RNF217: variants seen among roughly 807,000 people sequenced by gnomAD.
RNF217 encodes the protein E3 ubiquitin-protein ligase RNF217.
A neutral mutation model predicts 57.8 loss-of-function variants in RNF217; 31 were observed. The observed-to-expected ratio is 0.54, with a 90% confidence interval of 0.40 to 0.72. The LOEUF is 0.72. RNF217 is among the 30% of genes least tolerant of loss of function. The pLI is 0.00. For missense variants in RNF217, 696 were observed against 708.3 expected, an observed-to-expected ratio of 0.98 and a Z score of 0.20; for synonymous variants, 313 against 294.0, an observed-to-expected ratio of 1.06 and a Z score of -0.66.
chr6:124,982,723 G>T (rs1313144289), intron 1 of RNF217, among the ~76,000 whole-genome samples: 4 of 152,096 alleles, frequency 2.6e-5, no homozygotes, highest in African/African-American at 9.7e-5. Context: ...AAGGCATTTG[G>T]TTTCTAGATG....
chr6:125,026,582 T>A (rs904202867), intron 1 of RNF217, among the ~76,000 whole-genome samples: 3 of 152,138 alleles, frequency 2.0e-5, no homozygotes, highest in African/African-American at 7.2e-5. Context: ...GTAGAAAGAA[T>A]GACAAAAGGT....
chr6:125,081,497 G>T lies in RNF217; in HGVS notation c.1545G>T (p.Ala515=), dbSNP rs146414490. The change falls in exon 5 of 6, where the codon GCG becomes GCT. Residue 515 remains alanine, a synonymous_variant. Coordinates refer to ENST00000521654, the MANE Select transcript of RNF217 (RefSeq NM_001286398.3). ...MVLGLALGAI[A]VVIGLFVFPI... The stretch of plus-strand genomic sequence containing the variant: ...TGGGATTGGCACTAGGGGCCATAGC[G>T]GTTGTAATCGGTAAGAAACACTTCA... The T allele has an allele frequency of 1.2e-6, 2 of 1,610,180 alleles. No individual in the cohort carries two copies. Among genetic ancestry groups the T allele is most frequent in the Non-Finnish European group, 1.7e-6 (2 of 1,177,372 alleles).
intron 1 of RNF217, among the ~76,000 whole-genome samples, chr6:124,979,337 G>A (rs1784076020): frequency 6.6e-6 from 1 of 152,196 alleles, no homozygotes; most frequent in Non-Finnish European, 1.5e-5. Context: ...GAGGGTAGGA[G>A]AAAGGAGTTA....
intron 1 of RNF217, among the ~76,000 whole-genome samples, chr6:125,032,723 T>G (rs913364264): frequency 2.6e-5 from 4 of 152,108 alleles, no homozygotes; most frequent in African/African-American, 9.7e-5. Flanking sequence ...CTATGATCAT[T>G]TTTGAGCTTA....
chr6:124,968,023 A>G (rs1582648171), intron 1 of RNF217, among the ~76,000 whole-genome samples: 1 of 152,034 alleles, frequency 6.6e-6, no homozygotes, highest in Non-Finnish European at 1.5e-5. Flanking sequence ...CAGATGGTCC[A>G]CCCGCCTCGC....
chr6:125,018,696 A>C (rs1785703277), intron 1 of RNF217, among the ~76,000 whole-genome samples: 2 of 152,222 alleles, frequency 1.3e-5, no homozygotes, highest in Admixed American at 6.5e-5. Context: ...GAATCTCAGA[A>C]AGTCTTTGGT....
rs1788691179 is a variant in RNF217 at position 125,083,907 on chromosome 6, T to C, written c.*970T>C. On this transcript the variant is annotated 3_prime_UTR_variant, in exon 6 of 6. Transcript: ENST00000521654. ...ATTCTTACATTTTGGAAAACATGCT[T>C]CACTCTATAGATAGATCCTTCACAT... The C allele has an allele frequency of 6.6e-6, 1 of 152,068 alleles. No homozygotes were observed. The highest frequency in any genetic ancestry group is 1.5e-5 in the Non-Finnish European group (1 of 67,986). 9.4% of individuals were successfully genotyped at this position (152,068 alleles called of 1,614,324 possible). A position where few individuals can be genotyped will look rare whatever the true frequency, so the allele number is the denominator to read the frequency against.
At chr6:125,015,536 G>T (rs552922056) in intron 1 of RNF217, among the ~76,000 whole-genome samples, 1 of 152,078 alleles carries the variant, frequency 6.6e-6, no homozygotes, top group South Asian at 2.1e-4. Flanking sequence ...TTTTAGAAAA[G>T]AAAAGCGGTT....
chr6:125,059,256 A>T (rs560639842), intron 3 of RNF217, among the ~76,000 whole-genome samples: 1 of 152,304 alleles, frequency 6.6e-6, no homozygotes, highest in East Asian at 1.9e-4. Context: ...TATTTGGCCT[A>T]AAGTTTTCTT....
chr6:124,977,934 A>G (rs1784026621), intron 1 of RNF217, among the ~76,000 whole-genome samples: 1 of 152,212 alleles, frequency 6.6e-6, no homozygotes, highest in Non-Finnish European at 1.5e-5. Flanking sequence ...AAACCTTGGT[A>G]GATCTGTTCT....
chr6:125,037,454 T>A (rs987942345), intron 1 of RNF217, among the ~76,000 whole-genome samples: 2 of 152,188 alleles, frequency 1.3e-5, no homozygotes, highest in African/African-American at 4.8e-5. Flanking sequence ...AAATGTTTTC[T>A]TTGTACTGTA....
At chr6:125,025,154 A>G (rs888960143) in intron 1 of RNF217, among the ~76,000 whole-genome samples, 1 of 152,208 alleles carries the variant, frequency 6.6e-6, no homozygotes, top group African/African-American at 2.4e-5. Context: ...GAGGCAGTAA[A>G]GTAAGGATTC....
At chr6:125,059,936 G>T (rs1233547512) in intron 3 of RNF217, among the ~76,000 whole-genome samples, 1 of 152,104 alleles carries the variant, frequency 6.6e-6, no homozygotes, top group African/African-American at 2.4e-5. Flanking sequence ...CTTTCTGGTG[G>T]GATTTGGGTT....
chr6:125,020,912 G>T (rs1354652956), intron 1 of RNF217, among the ~76,000 whole-genome samples: 1 of 152,004 alleles, frequency 6.6e-6, no homozygotes, highest in Admixed American at 6.6e-5. Context: ...GTTTTGGAGG[G>T]TTTTTGTATT....
In RNF217 at chr6:124,962,983, C is replaced by T; in HGVS notation, c.439C>T (p.Leu147=). 1.3e-6 allele frequency: 2 copies of T among 1,597,052 alleles called. No homozygotes were observed. Among genetic ancestry groups the T allele is most frequent in the Non-Finnish European group, 8.5e-7 (1 of 1,179,266 alleles). ...CGTGGGGGCCGCCGACGGACTGGTC[C>T]TGGACGTGCTGGGTCAGCGGCGCCC... The part of the protein sequence containing the change: ...TRVGAADGLV[L]DVLGQRRPSL... The change falls in exon 1 of 6, where the codon CTG becomes TTG. Residue 147 remains leucine (L), a synonymous_variant. Transcript: ENST00000521654. The surrounding 1 kb of genome is among the most constrained non-coding windows in gnomAD (Gnocchi z 4.6).
chr6:125,044,486 T>A (rs9401800), intron 1 of RNF217, among the ~76,000 whole-genome samples: 1 of 151,930 alleles, frequency 6.6e-6, no homozygotes, highest in Non-Finnish European at 1.5e-5. Flanking sequence ...TTTTGATGTA[T>A]CCTCCCTTCT....
Position 125,081,427 on chromosome 6 carries a change from G to C in RNF217, c.1484-9G>C. The C allele has an allele frequency of 1.9e-5, 30 of 1,609,194 alleles. No individual in the cohort carries two copies. Among genetic ancestry groups the C allele is most frequent in the Non-Finnish European group, 2.3e-5 (27 of 1,177,084 alleles). Reference sequence around the variant, plus strand: ...GACTCCTTAAATAATTTTGCCTTTTGTTTTCCAGCTGGAAAATTATTCATT... The same window carrying C: ...GACTCCTTAAATAATTTTGCCTTTTCTTTTCCAGCTGGAAAATTATTCATT... On this transcript the variant is annotated splice_polypyrimidine_tract_variant and intron_variant, in intron 4 of 5. Coordinates refer to ENST00000521654, the MANE Select transcript of RNF217 (RefSeq NM_001286398.3).
At chr6:125,037,749 A>G (rs562720845) in intron 1 of RNF217, among the ~76,000 whole-genome samples, 1 of 152,114 alleles carries the variant, frequency 6.6e-6, no homozygotes. Context: ...ATCTATGTAT[A>G]TTTTGTGATT....
intron 3 of RNF217, among the ~76,000 whole-genome samples, chr6:125,063,210 A>C (rs1271015686): frequency 1.1e-4 from 16 of 152,230 alleles, no homozygotes; most frequent in Admixed American, 1.0e-3. Context: ...TGAGTTAAGA[A>C]GAAAAGTTTC....
Sources: allele counts gnomAD v4.1 joint callset (sites outside exome capture counted in the v4.1 genomes callset), GRCh38; gene constraint gnomAD v4.1.1; non-coding constraint Gnocchi (gnomAD v3.1); transcripts MANE v1.5; gene names NCBI Gene and HGNC (gene_info 2026-07-23, HGNC 2026-07-21).